CACNA1A: variants seen among roughly 807,000 people sequenced by gnomAD.
CACNA1A encodes the protein voltage-dependent P/Q-type calcium channel subunit alpha-1A.
A neutral mutation model predicts 262.4 loss-of-function variants in CACNA1A; 57 were observed. That is an observed-to-expected ratio of 0.22 (90% confidence interval 0.18 to 0.27). The LOEUF (loss-of-function observed/expected upper bound fraction) is 0.27. Among genes scored for constraint, CACNA1A ranks in the 10% least tolerant of loss-of-function variants. The probability of loss-of-function intolerance (pLI) is 1.00; values close to 1 mark genes in which losing one functional copy is unlikely to be tolerated. For missense variants in CACNA1A, 2,526 were observed against 3,562.8 expected, an observed-to-expected ratio of 0.71 and a Z score of 7.41; for synonymous variants, 1,431 against 1,419.3, an observed-to-expected ratio of 1.01 and a Z score of -0.18.
At position 13,234,350 on chromosome 19, in the gene CACNA1A, CAAAAAAA is replaced by C. The variant is rs71168693; in HGVS notation, c.5249+564_5249+570del. On this transcript the variant is annotated intron_variant, in intron 34 of 46. Transcript: ENST00000360228. Reference sequence around the variant, plus strand: ...GGGGAACAGAGCGAGACTCCATCTCCAAAAAAAAAAAAAAAAAAAAAAAAAGCCCCCC... The same window carrying C: ...GGGGAACAGAGCGAGACTCCATCTCCAAAAAAAAAAAAAAAAAAGCCCCCC... Among the ~76,000 whole-genome samples, 22 of 71,236 alleles carry C rather than the reference CAAAAAAA, an allele frequency of 3.1e-4. No homozygotes were observed. In the East Asian group the frequency reaches 4.8e-3, roughly 15 times the overall value. 46.7% of individuals were successfully genotyped at this position (71,236 alleles called of 152,430 possible). A position where few individuals can be genotyped will look rare whatever the true frequency, so the allele number is the denominator to read the frequency against.
rs75545672 is a variant in CACNA1A, at chr19:13,480,650, C to T, written c.293+25282G>A. Among the ~76,000 whole-genome samples the T allele has an allele frequency of 5.8e-3, 876 of 152,080 alleles. 7 individuals carry two copies. The highest frequency in any genetic ancestry group is 0.019 in the African/African-American group (794 of 41,482). ...TCGAGATCAACCTGAGCAACAAAAGCGAGACCTTGTCTCTAATTTTAAAAT... is the reference window on the plus strand; with the variant it reads ...TCGAGATCAACCTGAGCAACAAAAGTGAGACCTTGTCTCTAATTTTAAAAT... On this transcript the variant is annotated intron_variant, in intron 1 of 46. Coordinates refer to ENST00000360228, the MANE Select transcript of CACNA1A (RefSeq NM_001127222.2).
rs763400188 is a variant in CACNA1A at position 13,286,877 on chromosome 19, G to A, written c.3179C>T (p.Pro1060Leu). The change falls in exon 20 of 47, where the codon CCC becomes CTC. Residue 1060 changes from proline (P) to leucine (L), a missense_variant. Pro to Leu is a moderately conservative substitution (Grantham distance 98). Coordinates refer to ENST00000360228, the MANE Select transcript of CACNA1A (RefSeq NM_001127222.2). The stretch of plus-strand genomic sequence containing the variant: ...CATGTTGTCAATATCCTCTGCCAGG[G>A]GTGGGTCTTGGCGGCCCAGGTCCTG... ...IQQDLGRQDP[P>L]LAEDIDNMKN... 2.5e-6 allele frequency: 4 copies of A among 1,613,692 alleles called. No individual in the cohort carries two copies. The highest frequency in any genetic ancestry group is 3.4e-6 in the Non-Finnish European group (4 of 1,179,876).
intron 3 of CACNA1A, among the ~76,000 whole-genome samples, chr19:13,376,887 T>C (rs1410164365): frequency 2.9e-5 from 4 of 136,784 alleles, no homozygotes; most frequent in Admixed American, 1.5e-4. Context: ...ACACATGATA[T>C]ATGTTATATG....
At chr19:13,343,878 CAACT>C (rs1184016608) in intron 6 of CACNA1A, among the ~76,000 whole-genome samples, 1 of 152,032 alleles carries the variant, frequency 6.6e-6, no homozygotes, top group African/African-American at 2.4e-5. Flanking sequence ...GGCCAAGAAG[CAACT>C]AAGAGGGAAG....
chr19:13,459,408 G>A lies in CACNA1A; in HGVS notation c.294-4196C>T, dbSNP rs182265739. Among the ~76,000 whole-genome samples, 529 of 152,310 alleles carry A rather than the reference G, an allele frequency of 3.5e-3. 2 individuals are homozygous for A. Among genetic ancestry groups the A allele is most frequent in the Non-Finnish European group, 6.2e-3 (420 of 68,030 alleles). The stretch of plus-strand genomic sequence containing the variant: ...AGGCTTCCTTTTGTCACCAGCTTCA[G>A]CCTTTGCCTCCAGCTGAAAGCACAC... On this transcript the variant is annotated intron_variant, in intron 1 of 46. Coordinates refer to ENST00000360228, the MANE Select transcript of CACNA1A (RefSeq NM_001127222.2).
chr19:13,417,374 C>G (rs1310834631), intron 3 of CACNA1A, among the ~76,000 whole-genome samples: 1 of 152,176 alleles, frequency 6.6e-6, no homozygotes, highest in African/African-American at 2.4e-5. Context: ...TGTCCAGCTG[C>G]TGTGACAGCA....
At chr19:13,252,932 C>T (rs2056441126) in intron 30 of CACNA1A, 59 bp downstream of exon 30, 2 of 1,148,018 alleles carry the variant, frequency 1.7e-6, no homozygotes, top group East Asian at 2.4e-5. Flanking sequence ...ATCCAGGACC[C>T]ATTGTTCCCC....
chr19:13,227,765 CT>C lies in CACNA1A; in HGVS notation c.5529-239del, dbSNP rs548269917. ...AGGTCAGTAAAAAAAGATTACTTCACTGCTCGGGAGCAGGGAGAGAGAGAGA... is the reference window on the plus strand; with the variant it reads ...AGGTCAGTAAAAAAAGATTACTTCACGCTCGGGAGCAGGGAGAGAGAGAGA... On this transcript the variant is annotated intron_variant, in intron 36 of 46. Transcript: ENST00000360228. 1.8e-3 allele frequency: 500 copies of C among 281,356 alleles called. 1 individual carries two copies. The highest frequency in any genetic ancestry group is 0.01 in the African/African-American group (468 of 45,084). The allele number at this position is 281,356 out of a possible 1,614,324, so 17.4% of individuals were successfully genotyped here. A position where few individuals can be genotyped will look rare whatever the true frequency, so the allele number is the denominator to read the frequency against.
At chr19:13,334,807 G>A (rs191804179) in intron 7 of CACNA1A, among the ~76,000 whole-genome samples, 5 of 152,124 alleles carry the variant, frequency 3.3e-5, no homozygotes. Flanking sequence ...GGCTGAGATG[G>A]GAGTATCATT....
chr19:13,437,455 C>T (rs1353297568), intron 3 of CACNA1A, among the ~76,000 whole-genome samples: 1 of 152,104 alleles, frequency 6.6e-6, no homozygotes, highest in Non-Finnish European at 1.5e-5. Context: ...TTTTGGGAGG[C>T]TGAGGAGGGT....
chr19:13,214,227 G>T lies in CACNA1A; in HGVS notation c.5940+6C>A. On this transcript the variant is annotated splice_donor_region_variant and intron_variant, in intron 40 of 46. Transcript: ENST00000360228. This position sits in a 1 kb window ranked among gnomAD's most constrained non-coding sequence, Gnocchi z 4.1. Reference sequence around the variant, plus strand: ...CCAGATGTCCCCAGAGCGGCGAACAGCGCACCTGCTCCTCGCGCATGGCCT... The same window carrying T: ...CCAGATGTCCCCAGAGCGGCGAACATCGCACCTGCTCCTCGCGCATGGCCT... The T allele has an allele frequency of 6.2e-7, 1 of 1,604,546 alleles. No homozygotes were observed.
At chr19:13,502,614 G>A (rs1032525976) in intron 1 of CACNA1A, among the ~76,000 whole-genome samples, 2 of 152,166 alleles carry the variant, frequency 1.3e-5, no homozygotes, top group African/African-American at 4.8e-5. Flanking sequence ...GGTCAAGACG[G>A]CTTGCTGCCT....
rs759875039 is a variant in CACNA1A, at chr19:13,299,256, G to A, written c.2377C>T (p.Leu793=). The A allele has an allele frequency of 3.7e-6, 6 of 1,607,682 alleles. No individual in the cohort carries two copies. The East Asian group carries it at 1.1e-4, about 30-fold the overall frequency. The change falls in exon 19 of 47, where the codon CTG becomes TTG. Residue 793 remains leucine (L), a synonymous_variant. Coordinates refer to ENST00000360228, the MANE Select transcript of CACNA1A (RefSeq NM_001127222.2). ...KQNLLASREA[L]YNEMDPDERW... Reference sequence around the variant, plus strand: ...TCGTCCGGGTCCATTTCGTTATACAGGGCCTCCCGGCTGGCCAGCAAGTTC... The same window carrying A: ...TCGTCCGGGTCCATTTCGTTATACAAGGCCTCCCGGCTGGCCAGCAAGTTC...
rs1016423592 is a variant in CACNA1A, at chr19:13,299,248, G to A, written c.2385C>T (p.Asn795=). ...NLLASREALY[N]EMDPDERWKA... Reference sequence around the variant, plus strand: ...TCCAGCGCTCGTCCGGGTCCATTTCGTTATACAGGGCCTCCCGGCTGGCCA... The same window carrying A: ...TCCAGCGCTCGTCCGGGTCCATTTCATTATACAGGGCCTCCCGGCTGGCCA... Residue 795 remains asparagine, a synonymous_variant, in exon 19 of 47, where the codon AAC becomes AAT. Coordinates refer to ENST00000360228, the MANE Select transcript of CACNA1A (RefSeq NM_001127222.2). The A allele has an allele frequency of 1.9e-6, 3 of 1,608,582 alleles. No homozygotes were observed. Among genetic ancestry groups the A allele is most frequent in the Non-Finnish European group, 2.5e-6 (3 of 1,179,848 alleles).
At chr19:13,208,638 T>C in intron 46 of CACNA1A, 118 bp downstream of exon 46, 2 of 1,286,580 alleles carry the variant, frequency 1.6e-6, no homozygotes, top group Non-Finnish European at 2.1e-6. Flanking sequence ...GGATGGGAGG[T>C]GGTCACAGCC....
At chr19:13,411,907 G>T (rs979736939) in intron 3 of CACNA1A, among the ~76,000 whole-genome samples, 1 of 151,876 alleles carries the variant, frequency 6.6e-6, no homozygotes, top group African/African-American at 2.4e-5. Context: ...TAGAGACAGG[G>T]GTCTCACTAT....
chr19:13,401,226 GA>G (rs1209702808), intron 3 of CACNA1A, among the ~76,000 whole-genome samples: 4 of 152,250 alleles, frequency 2.6e-5, no homozygotes, highest in African/African-American at 9.6e-5. Flanking sequence ...AAACTACAAT[GA>G]ATTTATACTA....
chr19:13,237,233 C>T (rs1315989015), intron 31 of CACNA1A, among the ~76,000 whole-genome samples: 3 of 152,134 alleles, frequency 2.0e-5, no homozygotes, highest in Non-Finnish European at 4.4e-5. Flanking sequence ...GGAAACCCTC[C>T]TTCGCTGGCC....
chr19:13,242,663 C>T (rs2056110544), intron 31 of CACNA1A, among the ~76,000 whole-genome samples: 1 of 151,988 alleles, frequency 6.6e-6, no homozygotes, highest in Admixed American at 6.6e-5. Context: ...TGGGAGCAGA[C>T]ACTCTGTATT....
Sources: allele counts gnomAD v4.1 joint callset (sites outside exome capture counted in the v4.1 genomes callset), GRCh38; gene constraint gnomAD v4.1.1; non-coding constraint Gnocchi (gnomAD v3.1); transcripts MANE v1.5; gene names NCBI Gene and HGNC (gene_info 2026-07-23, HGNC 2026-07-21).